Variants in GRB10 observed in about 807,000 individuals in gnomAD.
GRB10 encodes growth factor receptor bound protein 10, also known as growth factor receptor-bound protein 10.
GRB10 carries 20 observed loss-of-function variants against 80.9 expected under a neutral mutation model. The observed-to-expected ratio is 0.25, with a 90% CI of 0.17 to 0.36. GRB10 has a LOEUF of 0.36. Ranked by LOEUF, GRB10 falls within the 10% of genes least tolerant of loss-of-function variation. The pLI is 1.00. For missense variants in GRB10, 548 were observed against 747.7 expected (o/e 0.73, Z 3.12); for synonymous variants, 291 against 291.5 (o/e 1.00, Z 0.02).
At chr7:50,767,232 C>T (rs2074723) in intron 2 of GRB10, among the ~76,000 whole-genome samples, 10,784 of 152,194 alleles carry the variant, frequency 0.071, 471 homozygotes, top group East Asian at 0.2. Context: ...CCAGAATGCC[C>T]GCACAGATGC....
rs545417095 is a variant in GRB10 at position 50,708,227 on chromosome 7, A to C, written c.52-4319T>G. The stretch of plus-strand genomic sequence containing the variant: ...ATGACAAAGTATGGCAGTAAGAACA[A>C]AATTTCAACAAGTGGCTCATTTGTT... On this transcript the variant is annotated intron_variant, in intron 4 of 18. Coordinates refer to ENST00000401949, the MANE Select transcript of GRB10 (RefSeq NM_001350814.2). Among the ~76,000 whole-genome samples, 8 of 152,360 alleles carry C rather than the reference A, an allele frequency of 5.3e-5. No individual in the cohort carries two copies. In the South Asian group the frequency reaches 1.7e-3, roughly 32 times the overall value.
intron 3 of GRB10, among the ~76,000 whole-genome samples, chr7:50,739,792 C>T (rs2071410977): frequency 6.6e-6 from 1 of 152,196 alleles, no homozygotes; most frequent in Admixed American, 6.5e-5. Flanking sequence ...CCTTCACATC[C>T]AAGTGCTGTC....
At chr7:50,776,948 C>G (rs2153711781) in intron 2 of GRB10, among the ~76,000 whole-genome samples, 1 of 152,312 alleles carries the variant, frequency 6.6e-6, no homozygotes, top group East Asian at 1.9e-4. Flanking sequence ...CTTTTTCTAG[C>G]AAACACTTCC....
intron 4 of GRB10, among the ~76,000 whole-genome samples, chr7:50,721,589 G>C (rs138921072): frequency 6.6e-6 from 1 of 152,194 alleles, no homozygotes; most frequent in Non-Finnish European, 1.5e-5. Flanking sequence ...CCCAAGCCCC[G>C]GTCTGTTAGC....
rs575506533 is a variant in GRB10, at chr7:50,686,170, G to T, written c.140-11512C>A. On this transcript the variant is annotated intron_variant, in intron 5 of 18. Transcript: ENST00000401949. ...GAAGGTATTAGGAGGTGGGGCCTTTGGGAGGTGATTGGGTCATTGGGGTAG... is the reference window on the plus strand; with the variant it reads ...GAAGGTATTAGGAGGTGGGGCCTTTTGGAGGTGATTGGGTCATTGGGGTAG... Among the ~76,000 whole-genome samples the T allele has an allele frequency of 5.9e-5, 9 of 152,278 alleles. No individual in the cohort carries two copies. The South Asian group carries it at 1.5e-3, about 25-fold the overall frequency.
chr7:50,672,732 C>T (rs1020325789), intron 6 of GRB10, among the ~76,000 whole-genome samples: 1 of 152,194 alleles, frequency 6.6e-6, no homozygotes, highest in Non-Finnish European at 1.5e-5. Context: ...GGCTTTCCAG[C>T]CCACCCTCGG....
At chr7:50,609,179 A>G (rs2049052743) in intron 13 of GRB10, among the ~76,000 whole-genome samples, 4 of 152,238 alleles carry the variant, frequency 2.6e-5, no homozygotes, top group Admixed American at 2.6e-4. Flanking sequence ...TAAATAATAC[A>G]ATTAAATCAC....
chr7:50,785,873 G>T (rs545095948), upstream of GRB10, among the ~76,000 whole-genome samples: 2 of 152,144 alleles, frequency 1.3e-5, no homozygotes, highest in Admixed American at 6.5e-5. Flanking sequence ...TGAGATAGAC[G>T]TATCTATGAA....
chr7:50,776,261 T>C (rs1470299778), intron 2 of GRB10, among the ~76,000 whole-genome samples: 1 of 152,226 alleles, frequency 6.6e-6, no homozygotes, highest in Non-Finnish European at 1.5e-5. Flanking sequence ...TCACGCAGGC[T>C]AGAGCGCAGC....
chr7:50,708,774 C>G (rs2065418128), intron 4 of GRB10, among the ~76,000 whole-genome samples: 1 of 146,942 alleles, frequency 6.8e-6, no homozygotes, highest in Non-Finnish European at 1.5e-5. Flanking sequence ...CTCCTGGGTT[C>G]AAGCAATTCC....
chr7:50,601,531 G>A (rs896805061), intron 17 of GRB10, among the ~76,000 whole-genome samples: 3 of 152,148 alleles, frequency 2.0e-5, no homozygotes, highest in African/African-American at 7.2e-5. Context: ...TAAAAGGACT[G>A]TAAAGAAATC....
At chr7:50,749,851 A>G (rs745774105) in intron 3 of GRB10, among the ~76,000 whole-genome samples, 4 of 152,254 alleles carry the variant, frequency 2.6e-5, no homozygotes, top group Non-Finnish European at 5.9e-5. Context: ...TTCTGAAAGC[A>G]TGAAATGCTT....
intron 8 of GRB10, among the ~76,000 whole-genome samples, chr7:50,620,164 T>C (rs1481444457): frequency 1.3e-5 from 2 of 152,164 alleles, no homozygotes; most frequent in Non-Finnish European, 2.9e-5. Context: ...GGGAGGATGG[T>C]GGCCATGGGA....
chr7:50,652,515 T>C (rs2058114440), intron 7 of GRB10, among the ~76,000 whole-genome samples: 2 of 152,130 alleles, frequency 1.3e-5, no homozygotes, highest in Admixed American at 1.3e-4. Flanking sequence ...CTGAACTGAC[T>C]GCTAATAAAA....
At chr7:50,749,759 T>C (rs927379449) in intron 3 of GRB10, among the ~76,000 whole-genome samples, 67 of 152,204 alleles carry the variant, frequency 4.4e-4, no homozygotes, top group African/African-American at 1.6e-3. Flanking sequence ...AAAATAACCA[T>C]TAACAGTATA....
At chr7:50,628,933 T>C (rs997760329) in intron 7 of GRB10, among the ~76,000 whole-genome samples, 4 of 152,164 alleles carry the variant, frequency 2.6e-5, no homozygotes, top group Non-Finnish European at 5.9e-5. Context: ...GAAGAAAACA[T>C]GTCTCTGGGT....
At chr7:50,602,696 A>ATTTAAAGG (rs1292502418) in intron 17 of GRB10, among the ~76,000 whole-genome samples, 1 of 152,224 alleles carries the variant, frequency 6.6e-6, no homozygotes, top group African/African-American at 2.4e-5. Flanking sequence ...CCTCAACTTA[A>ATTTAAAGG]TTTAAAGGAG....
chr7:50,614,810 T>C lies in GRB10; in HGVS notation c.1055A>G (p.Lys352Arg). The change falls in exon 12 of 19, where the codon AAG (lysine) becomes AGG (arginine). Residue 352 changes from lysine to arginine, a missense_variant. Around this residue, in one of 4 missense-constraint regions of GRB10, gnomAD observed 270 missense variants for 433.6 expected, o/e 0.62. Coordinates refer to ENST00000401949, the MANE Select transcript of GRB10 (RefSeq NM_001350814.2). ...GTGGTCTGTAGGGGCGTTGTACTGC[T>C]TCCTGCCAGCGATCAGGGAGAAGAT... ...SNIFSLIAGR[K>R]QYNAPTDHGL... The C allele has an allele frequency of 6.2e-7, 1 of 1,614,054 alleles. No individual in the cohort carries two copies. The highest frequency in any genetic ancestry group is 8.5e-7 in the Non-Finnish European group (1 of 1,179,978).
At chr7:50,613,221 T>C (rs2049898949) in intron 12 of GRB10, among the ~76,000 whole-genome samples, 1 of 152,160 alleles carries the variant, frequency 6.6e-6, no homozygotes, top group Admixed American at 6.5e-5. Flanking sequence ...AGAACCTGCC[T>C]TCTGACTTAC....
Sources: allele counts gnomAD v4.1 joint callset (sites outside exome capture counted in the v4.1 genomes callset), GRCh38; gene constraint gnomAD v4.1.1; regional missense constraint gnomAD v4.1.1; transcripts MANE v1.5; gene names NCBI Gene and HGNC (gene_info 2026-07-23, HGNC 2026-07-21).